The following ZDHHC21 variants were observed in gnomAD, a reference collection of about 807,000 sequenced individuals.
ZDHHC21 encodes zDHHC palmitoyltransferase 21, also known as palmitoyltransferase ZDHHC21.
In ZDHHC21, 15 loss-of-function variants were observed where a neutral mutation model predicts 34.6. The ratio of observed to expected loss-of-function variants is 0.43; its 90% CI spans 0.29 to 0.67. The LOEUF is 0.67. Among genes scored for constraint, ZDHHC21 ranks in the 30% least tolerant of loss-of-function variants. The pLI, the probability that ZDHHC21 is intolerant of heterozygous loss-of-function variation, is 0.14. For missense variants in ZDHHC21, 344 were observed against 327.7 expected (o/e 1.05, Z -0.38); for synonymous variants, 142 against 101.8 (o/e 1.40, Z -2.38).
rs537109950 is a variant in ZDHHC21, at chr9:14,627,058, C to A, written c.622-7376G>T. 8.6e-4 allele frequency among the ~76,000 whole-genome samples: 131 copies of A among 152,150 alleles called. 1 individual carries two copies. Among genetic ancestry groups the A allele is most frequent in the African/African-American group, 2.8e-3 (115 of 41,530 alleles). On this transcript the variant is annotated intron_variant, in intron 8 of 9. Transcript: ENST00000380916. Reference sequence around the variant, plus strand: ...CTGACCTGGAGCTGAGTACATCAAACATAATTGTTATAAAGAGTGTACTGA... The same window carrying A: ...CTGACCTGGAGCTGAGTACATCAAAAATAATTGTTATAAAGAGTGTACTGA...
At chr9:14,659,191 G>C (rs1587228173) in intron 6 of ZDHHC21, among the ~76,000 whole-genome samples, 1 of 152,248 alleles carries the variant, frequency 6.6e-6, no homozygotes, top group Admixed American at 6.5e-5. Flanking sequence ...AGGGAACAAA[G>C]GAGCTAAGCC....
intron 8 of ZDHHC21, among the ~76,000 whole-genome samples, chr9:14,620,586 T>C (rs1035340379): frequency 6.6e-6 from 1 of 152,030 alleles, no homozygotes; most frequent in Non-Finnish European, 1.5e-5. Flanking sequence ...GTACTATTCA[T>C]GCAAACTCTT....
intron 7 of ZDHHC21, among the ~76,000 whole-genome samples, chr9:14,657,279 C>T (rs1358299550): frequency 6.6e-6 from 1 of 151,984 alleles, no homozygotes; most frequent in African/African-American, 2.4e-5. Flanking sequence ...AGAGTTTTCA[C>T]TAAAATCAAA....
intron 2 of ZDHHC21, among the ~76,000 whole-genome samples, chr9:14,682,058 A>G (rs536077444): frequency 1.3e-5 from 2 of 152,296 alleles, no homozygotes; most frequent in African/African-American, 4.8e-5. Context: ...CATGGAAAGG[A>G]ACAACCGGTA....
intron 7 of ZDHHC21, among the ~76,000 whole-genome samples, chr9:14,649,350 T>C (rs1193038909): frequency 2.0e-5 from 3 of 152,090 alleles, no homozygotes; most frequent in East Asian, 1.9e-4. Flanking sequence ...AATAACTAAA[T>C]AACCAACTTC....
intron 8 of ZDHHC21, among the ~76,000 whole-genome samples, chr9:14,622,356 A>T (rs1825451793): frequency 6.6e-6 from 1 of 151,712 alleles, no homozygotes; most frequent in Non-Finnish European, 1.5e-5. Flanking sequence ...AGTCTAAAAA[A>T]TTATGTTGAC....
rs1823920737 is a variant in ZDHHC21, at chr9:14,614,961, A to T, written c.*4005T>A. ...TAAACTTGGTAAACTTGAGCTAAGTAATCTATTGATACAGGAAGCGCAAGA... is the reference window on the plus strand; with the variant it reads ...TAAACTTGGTAAACTTGAGCTAAGTTATCTATTGATACAGGAAGCGCAAGA... On this transcript the variant is annotated 3_prime_UTR_variant, in exon 10 of 10. Coordinates refer to ENST00000380916, the MANE Select transcript of ZDHHC21 (RefSeq NM_178566.6). The T allele has an allele frequency of 6.6e-6, 1 of 151,728 alleles. No individual in the cohort carries two copies. Among genetic ancestry groups the T allele is most frequent in the South Asian group, 2.1e-4 (1 of 4,838 alleles). 9.4% of individuals were successfully genotyped at this position (151,728 alleles called of 1,614,324 possible). A position where few individuals can be genotyped will look rare whatever the true frequency, so the allele number is the denominator to read the frequency against.
In ZDHHC21 at chr9:14,616,667, T is replaced by C. The variant is rs536406492; in HGVS notation, c.*2299A>G. 5.3e-5 allele frequency: 8 copies of C among 151,974 alleles called. No individual in the cohort carries two copies. Among genetic ancestry groups the C allele is most frequent in the African/African-American group, 1.7e-4 (7 of 41,534 alleles). The allele number at this position is 151,974 out of a possible 1,614,324, so 9.4% of individuals were successfully genotyped here. On this transcript the variant is annotated 3_prime_UTR_variant, in exon 10 of 10. Transcript: ENST00000380916. ...GAATTAACAAAACCCACAGGAGAGT[T>C]AGGTACGCTAACTGGGGAATACTGA...
At chr9:14,691,261 A>C (rs80212699) in intron 1 of ZDHHC21, among the ~76,000 whole-genome samples, 5,514 of 151,900 alleles carry the variant, frequency 0.036, 159 homozygotes, top group South Asian at 0.1. Context: ...TGACCTTCTC[A>C]CTCCTCTCCT....
chr9:14,663,792 TAC>T (rs759412429), intron 5 of ZDHHC21, among the ~76,000 whole-genome samples: 25 of 152,316 alleles, frequency 1.6e-4, no homozygotes, highest in East Asian at 1.2e-3. Context: ...TTTCATCTCT[TAC>T]AGTTATTTTA....
At position 14,612,483 on chromosome 9, in the gene ZDHHC21, G is replaced by GT. The variant is rs1823471109; in HGVS notation, c.*6482dup. ...ATTTGGACAATTACATTTCAAAGGT[G>GT]TTTTAAATTACGAGTACACTTAAAG... On this transcript the variant is annotated 3_prime_UTR_variant, in exon 10 of 10. Transcript: ENST00000380916. 6.6e-6 allele frequency: 1 copy of GT among 151,560 alleles called. No individual in the cohort carries two copies. The highest frequency in any genetic ancestry group is 2.1e-4 in the South Asian group (1 of 4,830). 9.4% of individuals were successfully genotyped at this position (151,560 alleles called of 1,614,324 possible).
At chr9:14,610,881 C>T (rs1207685325), downstream of ZDHHC21, among the ~76,000 whole-genome samples, 1 of 151,984 alleles carries the variant, frequency 6.6e-6, no homozygotes, top group Non-Finnish European at 1.5e-5. Context: ...CTAGTATGTA[C>T]ACCTAGTTCT....
chr9:14,647,377 A>G (rs1830438041), intron 7 of ZDHHC21, among the ~76,000 whole-genome samples: 3 of 152,138 alleles, frequency 2.0e-5, no homozygotes, highest in Non-Finnish European at 4.4e-5. Context: ...TTCAGCTCAT[A>G]TCTTCCTATA....
At chr9:14,683,988 A>G (rs1486612632) in intron 2 of ZDHHC21, among the ~76,000 whole-genome samples, 1 of 152,264 alleles carries the variant, frequency 6.6e-6, no homozygotes, top group Non-Finnish European at 1.5e-5. Flanking sequence ...AAGGCCTTTG[A>G]CAAAATTCAA....
downstream of ZDHHC21, among the ~76,000 whole-genome samples, chr9:14,607,642 G>C (rs1823057126): frequency 6.6e-6 from 1 of 151,888 alleles, no homozygotes; most frequent in Non-Finnish European, 1.5e-5. Flanking sequence ...GGGAAGTAAG[G>C]ACAAGAGATC....
At chr9:14,632,269 A>T (rs189130422) in intron 8 of ZDHHC21, among the ~76,000 whole-genome samples, 159 of 152,326 alleles carry the variant, frequency 1.0e-3, no homozygotes, top group Non-Finnish European at 2.0e-3. Flanking sequence ...ATAGACATAC[A>T]GATAAATAAA....
At chr9:14,605,571 G>A in the ZDHHC21 span, among the ~76,000 whole-genome samples, 2 of 151,942 alleles carry the variant, frequency 1.3e-5, no homozygotes, top group African/African-American at 2.4e-5. Context: ...GTAGGAGCTC[G>A]TTTTGTATTT....
In ZDHHC21 at chr9:14,617,317, TGTAA is replaced by T. The variant is rs1431837434; in HGVS notation, c.*1645_*1648del. The stretch of plus-strand genomic sequence containing the variant: ...GTATTTCTGTTCGTATTTCTGAGTT[TGTAA>T]GTAATAAAGTATTCTAATTAGAACA... On this transcript the variant is annotated 3_prime_UTR_variant, in exon 10 of 10. Coordinates refer to ENST00000380916, the MANE Select transcript of ZDHHC21 (RefSeq NM_178566.6). 2.6e-5 allele frequency: 4 copies of T among 152,024 alleles called. No homozygotes were observed. The highest frequency in any genetic ancestry group is 5.9e-5 in the Non-Finnish European group (4 of 67,924). The allele number at this position is 152,024 out of a possible 1,614,324, so 9.4% of individuals were successfully genotyped here.
chr9:14,648,333 T>C (rs944866665), intron 7 of ZDHHC21, among the ~76,000 whole-genome samples: 1 of 151,910 alleles, frequency 6.6e-6, no homozygotes, highest in Non-Finnish European at 1.5e-5. Flanking sequence ...TTTACTAAAA[T>C]GTAAATGAGA....
Sources: allele counts gnomAD v4.1 joint callset (sites outside exome capture counted in the v4.1 genomes callset), GRCh38; gene constraint gnomAD v4.1.1; transcripts MANE v1.5; gene names NCBI Gene and HGNC (gene_info 2026-07-23, HGNC 2026-07-21).